Variants in USP33 observed in about 807,000 individuals in gnomAD.
USP33 encodes ubiquitin carboxyl-terminal hydrolase 33.
A neutral mutation model predicts 124.2 loss-of-function variants in USP33; 46 were observed. The ratio of observed to expected loss-of-function variants is 0.37; its 90% CI spans 0.29 to 0.47. USP33 has a LOEUF of 0.47. USP33 is among the 20% of genes least tolerant of loss of function. The probability of loss-of-function intolerance (pLI) is 0.99; values close to 1 mark genes in which losing one functional copy is unlikely to be tolerated. For synonymous variants in USP33, 350 were observed against 352.3 expected (o/e 0.99, Z 0.07); for missense variants, 851 against 1,070.6 (o/e 0.79, Z 2.86).
At chr1:77,729,681 T>G (rs72683688) in intron 9 of USP33, among the ~76,000 whole-genome samples, 179 bp downstream of exon 9, 8,198 of 151,278 alleles carry the variant, frequency 0.054, 303 homozygotes, top group Non-Finnish European at 0.082. Context: ...AAAAAAAAGA[T>G]AAAGATAAAG....
At position 77,741,751 on chromosome 1, in the gene USP33, A is replaced by G. The variant is rs773085503; in HGVS notation, c.-51-3T>C. On this transcript the variant is annotated splice_region_variant and splice_polypyrimidine_tract_variant and intron_variant, in intron 1 of 23. Coordinates refer to ENST00000370794, the MANE Select transcript of USP33 (RefSeq NM_201624.3). ...AGACTTTCAAAATGAGGTAACACCT[A>G]TAAGAAAAGTAACACACACAAAAAA... 14 of 1,570,916 alleles carry G rather than the reference A, an allele frequency of 8.9e-6. No individual in the cohort carries two copies. In the Admixed American group the frequency reaches 1.0e-4, roughly 11 times the overall value.
At chr1:77,755,154 G>C (rs1680681065) in intron 1 of USP33, among the ~76,000 whole-genome samples, 1 of 151,984 alleles carries the variant, frequency 6.6e-6, no homozygotes, top group South Asian at 2.1e-4. Flanking sequence ...TGGCATTACG[G>C]AACAGTCATT....
Position 77,730,600 on chromosome 1 carries a change from G to A in USP33, c.638+18C>T. On this transcript the variant is annotated intron_variant, in intron 8 of 23. Coordinates refer to ENST00000370794, the MANE Select transcript of USP33 (RefSeq NM_201624.3). ...TTTAAAAGTTTAATAAAGAAGAAGA[G>A]TATATTAAGTTACATACCTGCTTTT... 2.0e-6 allele frequency: 3 copies of A among 1,469,316 alleles called. No homozygotes were observed. Among genetic ancestry groups the A allele is most frequent in the South Asian group, 2.8e-5 (2 of 70,392 alleles). 91.0% of individuals were successfully genotyped at this position (1,469,316 alleles called of 1,614,324 possible).
chr1:77,740,921 C>A lies in USP33; in HGVS notation c.154G>T (p.Gly52Cys). The change falls in exon 4 of 24, where the codon GGC becomes TGC. Residue 52 changes from glycine to cysteine, a missense_variant. Around this residue, in one of 4 missense-constraint regions of USP33, gnomAD observed 221 missense variants for 302.9 expected, o/e 0.73. Coordinates refer to ENST00000370794, the MANE Select transcript of USP33 (RefSeq NM_201624.3). ...TGATCTACTTGTGATTCACCACAGC[C>A]AACATATGAACATCTATTCTATAAA... ...ACLENRCSYV[G>C]CGESQVDHST... The A allele has an allele frequency of 6.4e-7, 1 of 1,563,236 alleles. No homozygotes were observed.
chr1:77,732,473 T>C (rs1184090935), intron 7 of USP33, among the ~76,000 whole-genome samples: 1 of 152,194 alleles, frequency 6.6e-6, no homozygotes, highest in South Asian at 2.1e-4. Flanking sequence ...ACTGTCCACA[T>C]AGCAACCACA....
At chr1:77,715,652 G>T in intron 18 of USP33, 90 bp downstream of exon 18, 1 of 1,422,030 alleles carries the variant, frequency 7.0e-7, no homozygotes. Flanking sequence ...TCCTAATCTT[G>T]ACTCAGCAAT....
At chr1:77,711,104 G>C (rs1675197943) in intron 21 of USP33, among the ~76,000 whole-genome samples, 1 of 151,940 alleles carries the variant, frequency 6.6e-6, no homozygotes, top group Admixed American at 6.6e-5. Context: ...AATCAAAGTA[G>C]TACATGCAGT....
At position 77,710,747 on chromosome 1, in the gene USP33, A is replaced by G. The variant is rs540144823; in HGVS notation, c.2406+1000T>C. 3.9e-3 allele frequency among the ~76,000 whole-genome samples: 599 copies of G among 152,314 alleles called. 1 individual carries two copies. Among genetic ancestry groups the G allele is most frequent in the Non-Finnish European group, 5.8e-3 (394 of 68,020 alleles). ...TATCTTCTCCACTGCTTTTACTAAA[A>G]GAATCCCAATTTTTTTCTTGCAGTA... On this transcript the variant is annotated intron_variant, in intron 21 of 23. Coordinates refer to ENST00000370794, the MANE Select transcript of USP33 (RefSeq NM_201624.3).
At chr1:77,752,916 A>T (rs1680471495) in intron 1 of USP33, among the ~76,000 whole-genome samples, 1 of 151,812 alleles carries the variant, frequency 6.6e-6, no homozygotes, top group Admixed American at 6.6e-5. Context: ...TGTCTCTACT[A>T]AAAACACAAA....
intron 5 of USP33, 46 bp from the exon 6 acceptor site, chr1:77,736,204 T>C (rs12121287): frequency 7.4e-7 from 1 of 1,350,120 alleles, no homozygotes; most frequent in Admixed American, 2.1e-5. Flanking sequence ...TCCTTAAATT[T>C]AAAAAAAGTT....
At chr1:77,716,628 T>G (rs1226444090) in intron 17 of USP33, among the ~76,000 whole-genome samples, 1 of 152,088 alleles carries the variant, frequency 6.6e-6, no homozygotes, top group East Asian at 1.9e-4. Context: ...ACCCGGTAAA[T>G]CAAAGGTTAG....
intron 1 of USP33, among the ~76,000 whole-genome samples, chr1:77,758,203 C>CA (rs1404357741): frequency 2.8e-5 from 3 of 105,334 alleles, no homozygotes; most frequent in African/African-American, 1.2e-4. Flanking sequence ...TTTTTTGAGA[C>CA]AGAGTCTCGC....
In USP33 at chr1:77,732,789, C is replaced by CTT. The variant is rs939934675; in HGVS notation, c.524+1556_524+1557dup. The stretch of plus-strand genomic sequence containing the variant: ...TCAAGTTTCAGAGTAAATGTCTCTT[C>CTT]TTTTTTTTTTTTTTTTTTTTTTTTG... On this transcript the variant is annotated intron_variant, in intron 7 of 23. Coordinates refer to ENST00000370794, the MANE Select transcript of USP33 (RefSeq NM_201624.3). Among the ~76,000 whole-genome samples the CTT allele has an allele frequency of 4.5e-3, 476 of 104,876 alleles. 13 individuals are homozygous for CTT. The highest frequency in any genetic ancestry group is 0.012 in the Middle Eastern group (2 of 162). 68.8% of individuals were successfully genotyped at this position (104,876 alleles called of 152,430 possible).
intron 9 of USP33, 30 bp from the exon 10 acceptor site, chr1:77,728,742 C>T: frequency 6.3e-7 from 1 of 1,588,072 alleles, no homozygotes; most frequent in Non-Finnish European, 8.5e-7. Flanking sequence ...ATGTTAACCA[C>T]TTCATTACAT....
rs1417611962 is a variant in USP33, at chr1:77,739,421, T to C, written c.199-4A>G. The C allele has an allele frequency of 5.7e-6, 9 of 1,586,100 alleles. No individual in the cohort carries two copies. The highest frequency in any genetic ancestry group is 1.4e-5 in the African/African-American group (1 of 73,680). ...CAGTTAGATAATGCTTTGTCTCCTA[T>C]ATAATTTCACAGTAGAGGGAAAAGA... On this transcript the variant is annotated splice_polypyrimidine_tract_variant and splice_region_variant and intron_variant, in intron 4 of 23. Transcript: ENST00000370794.
chr1:77,733,465 T>C (rs190650181), intron 7 of USP33, among the ~76,000 whole-genome samples: 1 of 151,996 alleles, frequency 6.6e-6, no homozygotes, highest in Non-Finnish European at 1.5e-5. Context: ...AATTAGGTTA[T>C]CTTTATTTCA....
In USP33 at chr1:77,718,675, C is replaced by T. The variant is rs773923197; in HGVS notation, c.1692-34G>A. 5 of 1,524,838 alleles carry T rather than the reference C, an allele frequency of 3.3e-6. No homozygotes were observed. In the South Asian group the frequency reaches 5.9e-5, roughly 18 times the overall value. The allele number at this position is 1,524,838 out of a possible 1,614,324, so 94.5% of individuals were successfully genotyped here. ...AGAAAAGAGAAAATCAATTAGTCTACAAAAAAACTTAGTATATTTAAATTT... is the reference window on the plus strand; with the variant it reads ...AGAAAAGAGAAAATCAATTAGTCTATAAAAAAACTTAGTATATTTAAATTT... On this transcript the variant is annotated intron_variant, in intron 15 of 23. Transcript: ENST00000370794.
chr1:77,701,624 G>A (rs1674027449), intron 21 of USP33, 153 bp from the exon 22 acceptor site: 2 of 584,696 alleles, frequency 3.4e-6, no homozygotes, highest in Non-Finnish European at 6.0e-6. Flanking sequence ...ACCAGTCTGG[G>A]CAACATCGTG....
intron 6 of USP33, among the ~76,000 whole-genome samples, chr1:77,735,761 C>A (rs534568080): frequency 1.1e-3 from 166 of 152,284 alleles, no homozygotes; most frequent in African/African-American, 3.8e-3. Context: ...CTCCCCATCA[C>A]TGACAATAGA....
Sources: allele counts gnomAD v4.1 joint callset (sites outside exome capture counted in the v4.1 genomes callset), GRCh38; gene constraint gnomAD v4.1.1; regional missense constraint gnomAD v4.1.1; transcripts MANE v1.5; gene names NCBI Gene and HGNC (gene_info 2026-07-23, HGNC 2026-07-21).